The following MBP variants were observed in gnomAD, a reference collection of about 807,000 sequenced individuals.
MBP encodes the protein myelin basic protein.
MBP carries 16 observed loss-of-function variants against 35.8 expected under a neutral mutation model. That is an observed-to-expected ratio of 0.45 (90% confidence interval 0.30 to 0.68). The LOEUF (loss-of-function observed/expected upper bound fraction) is 0.68. Among genes scored for constraint, MBP ranks in the 30% least tolerant of loss-of-function variants. The pLI is 0.08. For missense variants in MBP, 380 were observed against 404.7 expected, an observed-to-expected ratio of 0.94 and a Z score of 0.52; for synonymous variants, 143 against 159.6, an observed-to-expected ratio of 0.90 and a Z score of 0.78.
intron 4 of MBP, chr18:77,009,909 C>A: frequency 1.3e-6 from 2 of 1,589,622 alleles, no homozygotes; most frequent in Non-Finnish European, 1.7e-6. Context: ...GGCTCCGGCC[C>A]GGCTTTAGCC....
At chr18:77,045,378 G>GCAGCACCTGCCTGCAC (rs1433634812) in intron 3 of MBP, among the ~76,000 whole-genome samples, 2 of 151,788 alleles carry the variant, frequency 1.3e-5, no homozygotes, top group Non-Finnish European at 3.0e-5. Flanking sequence ...ACCCGCTGCA[G>GCAGCACCTGCCTGCAC]CAGCACCTGC....
intron 4 of MBP, among the ~76,000 whole-genome samples, chr18:76,997,731 G>C (rs571389233): frequency 5.0e-4 from 76 of 150,714 alleles, no homozygotes; most frequent in Non-Finnish European, 7.7e-4. Flanking sequence ...CCCCCAGGCT[G>C]GAGTGCAGTG....
intron 2 of MBP, among the ~76,000 whole-genome samples, chr18:77,089,016 G>A (rs991221215): frequency 6.6e-6 from 1 of 152,232 alleles, no homozygotes; most frequent in African/African-American, 2.4e-5. Context: ...TGGCGCAGTG[G>A]TGCTCACCTT....
Position 77,102,731 on chromosome 18 carries a change from A to T in MBP, c.51+2480T>A, listed in dbSNP as rs2145118331. On this transcript the variant is annotated intron_variant, in intron 2 of 8. Transcript: ENST00000355994. The surrounding 1 kb of genome is among the most constrained non-coding windows in gnomAD (Gnocchi z 4.4). ...AGGAAAGAAACTGTACACCACAGAG[A>T]GGTTTCTTGAAACTGGAGTTGCAAA... Among the ~76,000 whole-genome samples the T allele has an allele frequency of 6.6e-6, 1 of 152,322 alleles. No individual in the cohort carries two copies. Among genetic ancestry groups the T allele is most frequent in the Non-Finnish European group, 1.5e-5 (1 of 68,028 alleles).
chr18:76,996,996 C>T (rs1302613194), intron 4 of MBP, among the ~76,000 whole-genome samples: 2 of 152,220 alleles, frequency 1.3e-5, no homozygotes, highest in African/African-American at 4.8e-5. Context: ...AAGTGTTGGC[C>T]TCTCCTTCCG....
At position 77,017,310 on chromosome 18, in the gene MBP, C is replaced by A. The variant is rs531603699; in HGVS notation, c.140-42G>T. 21 of 1,477,674 alleles carry A rather than the reference C, an allele frequency of 1.4e-5. No individual in the cohort carries two copies. In the East Asian group the frequency reaches 4.4e-4, roughly 31 times the overall value. The allele number at this position is 1,477,674 out of a possible 1,614,324, so 91.5% of individuals were successfully genotyped here. A position where few individuals can be genotyped will look rare whatever the true frequency, so the allele number is the denominator to read the frequency against. On this transcript the variant is annotated intron_variant, in intron 3 of 8. Coordinates refer to ENST00000355994, the MANE Select transcript of MBP (RefSeq NM_001025101.2). ...GATATGAATACGGGCCTGTGCAAAG[C>A]TGAGCACCGGACAAAGCAGCTTTCT...
At chr18:77,025,421 G>A (rs1972168942) in intron 3 of MBP, among the ~76,000 whole-genome samples, 1 of 152,166 alleles carries the variant, frequency 6.6e-6, no homozygotes, top group Non-Finnish European at 1.5e-5. Context: ...GCACTCAGCG[G>A]TCTTGGTGCA....
intron 4 of MBP, among the ~76,000 whole-genome samples, chr18:77,001,562 C>T (rs185316101): frequency 1.1e-4 from 17 of 152,248 alleles, no homozygotes; most frequent in African/African-American, 2.9e-4. Context: ...AGAAAATGCC[C>T]GTAAGAGGCC....
At chr18:77,029,202 A>G (rs1424447709) in intron 3 of MBP, among the ~76,000 whole-genome samples, 6 of 140,374 alleles carry the variant, frequency 4.3e-5, no homozygotes, top group Non-Finnish European at 6.4e-5. Context: ...CGCGGTTAGG[A>G]GCTGGAGACC....
intron 1 of MBP, among the ~76,000 whole-genome samples, chr18:77,118,841 C>T (rs549084040): frequency 2.0e-5 from 3 of 150,162 alleles, no homozygotes; most frequent in Admixed American, 1.3e-4. Flanking sequence ...ACAGACACTA[C>T]AGACACACAC....
At chr18:77,129,000 T>C (rs1369631573) in intron 1 of MBP, among the ~76,000 whole-genome samples, 1 of 152,262 alleles carries the variant, frequency 6.6e-6, no homozygotes, top group Non-Finnish European at 1.5e-5. Flanking sequence ...AAAAAATCTT[T>C]TTGCCATCTT....
intron 3 of MBP, among the ~76,000 whole-genome samples, chr18:77,033,138 T>C (rs1422921129): frequency 2.0e-5 from 3 of 152,122 alleles, no homozygotes; most frequent in African/African-American, 7.2e-5. Flanking sequence ...CAGATAATTT[T>C]TGTACTTTTA....
intron 3 of MBP, among the ~76,000 whole-genome samples, chr18:77,046,855 C>T (rs1164236740): frequency 6.6e-6 from 1 of 152,186 alleles, no homozygotes; most frequent in East Asian, 1.9e-4. Flanking sequence ...AATTTAAAGA[C>T]AGATAACTGG....
chr18:77,120,890 G>GTGA (rs531222495), intron 1 of MBP, among the ~76,000 whole-genome samples: 3 of 152,330 alleles, frequency 2.0e-5, no homozygotes, highest in African/African-American at 7.2e-5. Flanking sequence ...TTAGGACCCC[G>GTGA]TGAGGATCAA....
chr18:76,995,934 C>A (rs115073197), intron 4 of MBP, among the ~76,000 whole-genome samples: 1 of 152,246 alleles, frequency 6.6e-6, no homozygotes, highest in East Asian at 1.9e-4. Flanking sequence ...TTGCAAATTA[C>A]GTATCTGACA....
chr18:77,024,440 G>A (rs974888074), intron 3 of MBP, among the ~76,000 whole-genome samples: 6 of 152,184 alleles, frequency 3.9e-5, no homozygotes, highest in African/African-American at 1.4e-4. Flanking sequence ...TTCTAATATG[G>A]TAAATAAAAC....
Position 77,119,729 on chromosome 18 carries a change from G to T in MBP, c.-26+12851C>A, listed in dbSNP as rs529001236. On this transcript the variant is annotated intron_variant, in intron 1 of 8. Transcript: ENST00000355994. Reference sequence around the variant, plus strand: ...CCCAGAAAACCGAAGCCTTGATTCTGGAGGGACAAGGGACACCCCAAGGGA... The same window carrying T: ...CCCAGAAAACCGAAGCCTTGATTCTTGAGGGACAAGGGACACCCCAAGGGA... Among the ~76,000 whole-genome samples the T allele has an allele frequency of 7.9e-5, 12 of 152,324 alleles. No individual in the cohort carries two copies. The South Asian group carries it at 2.5e-3, about 32-fold the overall frequency.
At chr18:77,045,790 C>G (rs1173847153) in intron 3 of MBP, among the ~76,000 whole-genome samples, 3 of 152,196 alleles carry the variant, frequency 2.0e-5, no homozygotes, top group African/African-American at 4.8e-5. Flanking sequence ...TTACTTAAAT[C>G]TTAGCATGTA....
At chr18:77,001,323 C>CTAGATACACGGGTG (rs1446677122) in intron 4 of MBP, among the ~76,000 whole-genome samples, 1 of 152,256 alleles carries the variant, frequency 6.6e-6, no homozygotes, top group Non-Finnish European at 1.5e-5. Context: ...GAGTAAATCA[C>CTAGATACACGGGTG]TAGATACACG....
Sources: allele counts gnomAD v4.1 joint callset (sites outside exome capture counted in the v4.1 genomes callset), GRCh38; gene constraint gnomAD v4.1.1; non-coding constraint Gnocchi (gnomAD v3.1); transcripts MANE v1.5; gene names NCBI Gene and HGNC (gene_info 2026-07-23, HGNC 2026-07-21).